Variants in RPS6KA5 observed in about 807,000 individuals in gnomAD.
RPS6KA5 encodes ribosomal protein S6 kinase A5, also known as ribosomal protein S6 kinase alpha-5.
A neutral mutation model predicts 85.5 loss-of-function variants in RPS6KA5; 27 were observed. The ratio of observed to expected loss-of-function variants is 0.32; its 90% CI spans 0.23 to 0.44. The LOEUF (loss-of-function observed/expected upper bound fraction) is 0.44. Among genes scored for constraint, RPS6KA5 ranks in the 20% least tolerant of loss-of-function variants. RPS6KA5 has a pLI of 1.00. For synonymous variants in RPS6KA5, 334 were observed against 348.2 expected, an observed-to-expected ratio of 0.96 and a Z score of 0.46; for missense variants, 811 against 980.9, an observed-to-expected ratio of 0.83 and a Z score of 2.31.
intron 7 of RPS6KA5, among the ~76,000 whole-genome samples, chr14:90,912,650 A>G (rs1486404167): frequency 6.6e-6 from 1 of 152,126 alleles, no homozygotes; most frequent in East Asian, 1.9e-4. Context: ...TCCTTTAGCT[A>G]TGAGACAGGC....
At position 90,871,148 on chromosome 14, in the gene RPS6KA5, A is replaced by C. The variant is rs887748306; in HGVS notation, c.*926T>G. ...TAGGTTTTCCTCACATTGGTGCATAAGTGGCTGACTACATGACACAACATG... is the reference window on the plus strand; with the variant it reads ...TAGGTTTTCCTCACATTGGTGCATACGTGGCTGACTACATGACACAACATG... On this transcript the variant is annotated 3_prime_UTR_variant, in exon 17 of 17. Coordinates refer to ENST00000614987, the MANE Select transcript of RPS6KA5 (RefSeq NM_004755.4). 1.3e-5 allele frequency: 2 copies of C among 152,540 alleles called. No homozygotes were observed. Among genetic ancestry groups the C allele is most frequent in the Non-Finnish European group, 2.9e-5 (2 of 68,020 alleles). The allele number at this position is 152,540 out of a possible 1,614,324, so 9.4% of individuals were successfully genotyped here.
At chr14:90,951,953 C>G (rs923110243) in intron 3 of RPS6KA5, among the ~76,000 whole-genome samples, 1 of 152,294 alleles carries the variant, frequency 6.6e-6, no homozygotes, top group East Asian at 1.9e-4. Context: ...GATAAATCCC[C>G]TTTGAATCCT....
chr14:90,997,749 G>C (rs1280538473), intron 2 of RPS6KA5, among the ~76,000 whole-genome samples: 1 of 152,092 alleles, frequency 6.6e-6, no homozygotes, highest in African/African-American at 2.4e-5. Context: ...GGTGGCTCAC[G>C]CCTGTAATTC....
chr14:90,874,648 T>A (rs1004300100), intron 15 of RPS6KA5, among the ~76,000 whole-genome samples: 2 of 152,140 alleles, frequency 1.3e-5, no homozygotes, highest in Non-Finnish European at 2.9e-5. Flanking sequence ...TATTGACAGA[T>A]GATGAACAGC....
chr14:90,978,606 T>C (rs1566818830), intron 2 of RPS6KA5, 82 bp from the exon 3 acceptor site: 1 of 1,056,526 alleles, frequency 9.5e-7, no homozygotes, highest in Non-Finnish European at 1.3e-6. Flanking sequence ...ATTTATTTAA[T>C]GCACAAAAAA....
At chr14:90,889,123 G>A (rs1389608450) in intron 14 of RPS6KA5, among the ~76,000 whole-genome samples, 2 of 151,842 alleles carry the variant, frequency 1.3e-5, no homozygotes, top group African/African-American at 2.4e-5. Context: ...GTAAAACCTC[G>A]TCTCTACTAA....
At chr14:90,978,662 T>A (rs2039666668) in intron 2 of RPS6KA5, 138 bp from the exon 3 acceptor site, 1 of 609,498 alleles carries the variant, frequency 1.6e-6, no homozygotes, top group Non-Finnish European at 2.8e-6. Flanking sequence ...GTTCAAATAG[T>A]TATTTGATAG....
At chr14:90,997,406 G>A (rs1324040110) in intron 2 of RPS6KA5, among the ~76,000 whole-genome samples, 1 of 152,054 alleles carries the variant, frequency 6.6e-6, no homozygotes, top group Non-Finnish European at 1.5e-5. Flanking sequence ...TTAGAGAGAC[G>A]GTCTTGCTCT....
At chr14:90,997,392 T>C (rs947944996) in intron 2 of RPS6KA5, among the ~76,000 whole-genome samples, 1 of 152,226 alleles carries the variant, frequency 6.6e-6, no homozygotes, top group South Asian at 2.1e-4. Context: ...TATTTGTTTA[T>C]CTTTTAGAGA....
chr14:90,963,148 G>A (rs1386226028), intron 3 of RPS6KA5, among the ~76,000 whole-genome samples: 1 of 152,102 alleles, frequency 6.6e-6, no homozygotes, highest in Non-Finnish European at 1.5e-5. Context: ...TCTTTGAAGA[G>A]GACAGACCTG....
chr14:90,946,341 T>G (rs2037870281), intron 4 of RPS6KA5, among the ~76,000 whole-genome samples: 1 of 152,042 alleles, frequency 6.6e-6, no homozygotes. Flanking sequence ...CTGCTTGTTC[T>G]CACACGTTTT....
intron 13 of RPS6KA5, among the ~76,000 whole-genome samples, chr14:90,893,086 G>T (rs982676643): frequency 6.6e-6 from 1 of 152,090 alleles, no homozygotes; most frequent in African/African-American, 2.4e-5. Flanking sequence ...AGTTATCAAA[G>T]AATAAAACAT....
Position 90,875,353 on chromosome 14 carries a change from A to G in RPS6KA5, c.1844T>C (p.Met615Thr), listed in dbSNP as rs1335281079. The G allele has an allele frequency of 6.2e-7, 1 of 1,612,282 alleles. No homozygotes were observed. The highest frequency in any genetic ancestry group is 2.2e-5 in the East Asian group (1 of 44,848). The change falls in exon 15 of 17, where the codon ATG (methionine) becomes ACG (threonine). Residue 615 changes from methionine (M) to threonine (T), a missense_variant. Transcript: ENST00000614987. ...LWSLGVILYT[M>T]LSGQVPFQSH... ...TTGGAAGGGAACCTGTCCTGACAAC[A>G]TTGTGTACTATCAGGGAAAAAGTAA...
At chr14:91,055,198 A>G (rs1447602449) in intron 1 of RPS6KA5, among the ~76,000 whole-genome samples, 1 of 152,240 alleles carries the variant, frequency 6.6e-6, no homozygotes, top group African/African-American at 2.4e-5. Context: ...ACTCTGGACA[A>G]CAGTTTGGCA....
At chr14:90,888,126 A>T (rs2034341271) in intron 14 of RPS6KA5, among the ~76,000 whole-genome samples, 1 of 152,128 alleles carries the variant, frequency 6.6e-6, no homozygotes, top group Non-Finnish European at 1.5e-5. Context: ...CTTCCCACAG[A>T]CTGGATATTG....
At position 90,855,434 on chromosome 14, in the gene RPS6KA5, A is replaced by C. The variant is rs1006420144; in HGVS notation, c.*16640T>G. On this transcript the variant is annotated 3_prime_UTR_variant, in exon 17 of 17. Transcript: ENST00000614987. ...CAAACAAAGGCCTGGTACTTACATTATTTTTTATTTTTTATTTTTTTGAGA... is the reference window on the plus strand; with the variant it reads ...CAAACAAAGGCCTGGTACTTACATTCTTTTTTATTTTTTATTTTTTTGAGA... The C allele has an allele frequency of 5.2e-5, 5 of 96,684 alleles. No homozygotes were observed. The highest frequency in any genetic ancestry group is 1.5e-4 in the African/African-American group (5 of 33,936). The allele number at this position is 96,684 out of a possible 1,614,324, so 6.0% of individuals were successfully genotyped here.
chr14:91,038,650 C>T (rs1245862592), intron 1 of RPS6KA5, among the ~76,000 whole-genome samples: 1 of 152,212 alleles, frequency 6.6e-6, no homozygotes, highest in Non-Finnish European at 1.5e-5. Context: ...TATGACACAG[C>T]AGCTTAGCAA....
intron 14 of RPS6KA5, among the ~76,000 whole-genome samples, chr14:90,879,818 T>C (rs373233736): frequency 1.6e-4 from 24 of 150,820 alleles, no homozygotes; most frequent in South Asian, 8.5e-4. Flanking sequence ...AGTCTCGCTC[T>C]GTCGCCCAGG....
chr14:90,955,532 T>C (rs917468717), intron 3 of RPS6KA5, among the ~76,000 whole-genome samples: 3 of 152,210 alleles, frequency 2.0e-5, no homozygotes, highest in African/African-American at 7.2e-5. Context: ...TAGGAGTACA[T>C]TGTTTCCTAT....
Sources: allele counts gnomAD v4.1 joint callset (sites outside exome capture counted in the v4.1 genomes callset), GRCh38; gene constraint gnomAD v4.1.1; transcripts MANE v1.5; gene names NCBI Gene and HGNC (gene_info 2026-07-23, HGNC 2026-07-21).